Variants in COG4 observed in about 807,000 individuals in gnomAD.
COG4 encodes the protein component of oligomeric golgi complex 4.
Under a neutral mutation model 95.1 loss-of-function variants are expected in COG4, and 65 were observed. That is an observed-to-expected ratio of 0.68 (90% confidence interval 0.56 to 0.84). COG4 has a LOEUF of 0.84. COG4 is among the 40% of genes least tolerant of loss of function. The pLI, the probability that COG4 is intolerant of heterozygous loss-of-function variation, is 0.00. For synonymous variants in COG4, 421 were observed against 374.8 expected (o/e 1.12, Z -1.42); for missense variants, 1,045 against 989.1 (o/e 1.06, Z -0.76).
chr16:70,481,363 T>C lies in COG4; in HGVS notation c.2231A>G (p.Glu744Gly). 6.2e-7 allele frequency: 1 copy of C among 1,612,652 alleles called. No homozygotes were observed. The highest frequency in any genetic ancestry group is 8.5e-7 in the Non-Finnish European group (1 of 1,179,908). Residue 744 changes from glutamate (E) to glycine (G), a missense_variant, in exon 18 of 19, where the codon GAG becomes GGG. Glu to Gly is a moderately conservative substitution (Grantham distance 98). Transcript: ENST00000323786. ...GGCCAAGGGTGCCCCACCTACCCGCTCCAGATTGAGGATGGTGGCCATCTG... is the reference window on the plus strand; with the variant it reads ...GGCCAAGGGTGCCCCACCTACCCGCCCCAGATTGAGGATGGTGGCCATCTG... The part of the protein sequence containing the change: ...LSQMATILNL[E>G]RVTEILDYWG...
At chr16:70,522,275 G>T (rs1414100959) in intron 1 of COG4, among the ~76,000 whole-genome samples, 1 of 152,160 alleles carries the variant, frequency 6.6e-6, no homozygotes, top group African/African-American at 2.4e-5. Flanking sequence ...GATGGCAGGC[G>T]TGAGCCACCG....
intron 8 of COG4, among the ~76,000 whole-genome samples, chr16:70,506,987 T>A (rs887941746): frequency 1.3e-5 from 2 of 151,538 alleles, no homozygotes; most frequent in African/African-American, 4.9e-5. Flanking sequence ...CTTTGGGAGG[T>A]GAGAGGATCA....
At chr16:70,501,780 T>G (rs1454500106) in intron 8 of COG4, among the ~76,000 whole-genome samples, 1 of 151,620 alleles carries the variant, frequency 6.6e-6, no homozygotes, top group Non-Finnish European at 1.5e-5. Flanking sequence ...GCCACATGAG[T>G]AGCTGGGATT....
chr16:70,519,692 G>C lies in COG4; in HGVS notation c.211C>G (p.Gln71Glu), dbSNP rs1355713057. The change falls in exon 2 of 19, where the codon CAA becomes GAA. Residue 71 changes from glutamine (Q) to glutamate (E), a missense_variant. Transcript: ENST00000323786. ...ERELDALLEQ[Q>E]NTIESKMVTL... is the part of the protein sequence containing the mutation. ...ACCATCTTACTTTCAATGGTGTTTT[G>C]CTGTTCCAAAAGAGCATCCAGCTCT... 1.2e-6 allele frequency: 2 copies of C among 1,613,932 alleles called. No individual in the cohort carries two copies. Among genetic ancestry groups the C allele is most frequent in the East Asian group, 2.2e-5 (1 of 44,886 alleles).
chr16:70,516,293 T>G (rs2049820874), intron 3 of COG4, among the ~76,000 whole-genome samples: 1 of 150,484 alleles, frequency 6.6e-6, no homozygotes, highest in Non-Finnish European at 1.5e-5. Context: ...AGGGTTTTGT[T>G]GAGTTAAATT....
intron 8 of COG4, among the ~76,000 whole-genome samples, chr16:70,502,703 A>G (rs1397110940): frequency 6.6e-6 from 1 of 152,192 alleles, no homozygotes; most frequent in African/African-American, 2.4e-5. Context: ...ACTGCCCTAC[A>G]CCCATTCATT....
intron 12 of COG4, among the ~76,000 whole-genome samples, chr16:70,491,676 T>C (rs2049246215): frequency 6.6e-6 from 1 of 151,238 alleles, no homozygotes; most frequent in Non-Finnish European, 1.5e-5. Flanking sequence ...TACAAAAAAT[T>C]AGCCAGGCGT....
intron 3 of COG4, among the ~76,000 whole-genome samples, chr16:70,516,713 C>A (rs541818126): frequency 3.2e-4 from 49 of 151,876 alleles, no homozygotes; most frequent in African/African-American, 1.1e-3. Flanking sequence ...CTCTTCTAAT[C>A]TCTAATGTGG....
intron 14 of COG4, 141 bp from the exon 15 acceptor site, chr16:70,482,962 A>C (rs1336040441): frequency 1.0e-4 from 51 of 489,742 alleles, no homozygotes; most frequent in African/African-American, 4.0e-4. Context: ...TCCTCTCCCC[A>C]TTTCTTCCTT....
At chr16:70,481,182 G>C (rs372227334) in intron 18 of COG4, 38 bp from the exon 19 acceptor site, 7 of 1,612,920 alleles carry the variant, frequency 4.3e-6, no homozygotes, top group African/African-American at 1.3e-5. Flanking sequence ...AGCAAGGTGG[G>C]GTTATTCTGA....
intron 3 of COG4, 129 bp from the exon 4 acceptor site, chr16:70,514,638 T>G (rs911781085): frequency 4.1e-6 from 3 of 740,650 alleles, no homozygotes; most frequent in African/African-American, 3.5e-5. Context: ...ACACCACCAC[T>G]ACTGTTAACG....
rs765472862 is a variant in COG4 at position 70,482,212 on chromosome 16, CAT to C, written c.1921-39_1921-38del. The C allele has an allele frequency of 3.9e-6, 5 of 1,288,840 alleles. No individual in the cohort carries two copies. In the South Asian group the frequency reaches 5.9e-5, roughly 15 times the overall value. The allele number at this position is 1,288,840 out of a possible 1,614,324, so 79.8% of individuals were successfully genotyped here. ...AAGCAGGGCTGGTCACCATGGGCCT[CAT>C]AAGAAGTACCATTCATTGCCACCCA... On this transcript the variant is annotated intron_variant, in intron 15 of 18. Coordinates refer to ENST00000323786, the MANE Select transcript of COG4 (RefSeq NM_015386.3).
intron 12 of COG4, among the ~76,000 whole-genome samples, chr16:70,495,033 C>CTAAT (rs2049311314): frequency 6.6e-6 from 1 of 152,050 alleles, no homozygotes; most frequent in African/African-American, 2.4e-5. Flanking sequence ...TAGATATTAG[C>CTAAT]AAGTTTAGGC....
rs563096825 is a variant in COG4 at position 70,498,407 on chromosome 16, C to T, written c.1196-352G>A. Among the ~76,000 whole-genome samples the T allele has an allele frequency of 7.9e-5, 12 of 152,148 alleles. No homozygotes were observed. In the South Asian group the frequency reaches 2.1e-3, roughly 26 times the overall value. ...GCAATGGCGTGATCTTGGCTCACCGCAACCCCTGCCTCCCAGGTTCAAACA... is the reference window on the plus strand; with the variant it reads ...GCAATGGCGTGATCTTGGCTCACCGTAACCCCTGCCTCCCAGGTTCAAACA... On this transcript the variant is annotated intron_variant, in intron 9 of 18. Transcript: ENST00000323786.
In COG4 at chr16:70,523,485, G is replaced by C. The variant is rs781200899; in HGVS notation, c.59C>G (p.Pro20Arg). 11 of 1,614,056 alleles carry C rather than the reference G, an allele frequency of 6.8e-6. No homozygotes were observed. Among genetic ancestry groups the C allele is most frequent in the Admixed American group, 3.3e-5 (2 of 59,996 alleles). The change falls in exon 1 of 19, where the codon CCG (proline) becomes CGG (arginine). Residue 20 changes from proline to arginine, a missense_variant. Pro to Arg is a moderately radical substitution (Grantham distance 103). Coordinates refer to ENST00000323786, the MANE Select transcript of COG4 (RefSeq NM_015386.3). ...SPPKLSGVQQPSEGVGGGRCS... is the reference protein window; with the variant it reads ...SPPKLSGVQQRSEGVGGGRCS... ...GCGGCCACCTCCCACCCCCTCAGAC[G>C]GCTGCTGCACCCCTGACAGCTTCGG... is the stretch of plus-strand genomic sequence containing the variant.
chr16:70,480,870 T>C lies in COG4; in HGVS notation c.*140A>G. 9.8e-7 allele frequency: 1 copy of C among 1,018,848 alleles called. No individual in the cohort carries two copies. 63.1% of individuals were successfully genotyped at this position (1,018,848 alleles called of 1,614,324 possible). A position where few individuals can be genotyped will look rare whatever the true frequency, so the allele number is the denominator to read the frequency against. On this transcript the variant is annotated 3_prime_UTR_variant, in exon 19 of 19. Transcript: ENST00000323786. ...CAGAGCATGGAGTGGGTCCAGACTT[T>C]GTTTCTCTGCTGCCAGCCGTAGAAA...
At chr16:70,497,916 G>A (rs577912013) in intron 10 of COG4, 21 bp downstream of exon 10, 1 of 1,395,784 alleles carries the variant, frequency 7.2e-7, no homozygotes, top group South Asian at 1.2e-5. Context: ...CCATTTCCAA[G>A]AGATGCGTCC....
chr16:70,483,524 A>G (rs2049058404), intron 14 of COG4, among the ~76,000 whole-genome samples: 4 of 152,150 alleles, frequency 2.6e-5, no homozygotes, highest in Admixed American at 2.6e-4. Flanking sequence ...AGATTTCAGA[A>G]TGCTCAATGT....
At chr16:70,498,164 T>C in intron 9 of COG4, 109 bp from the exon 10 acceptor site, 1 of 728,880 alleles carries the variant, frequency 1.4e-6, no homozygotes, top group Non-Finnish European at 2.5e-6. Flanking sequence ...AATATGTACA[T>C]ATTTTACATC....
Sources: gnomAD v4.1 joint callset for allele counts (sites outside exome capture counted in the v4.1 genomes callset) on GRCh38, gnomAD v4.1.1 for gene constraint, MANE v1.5 for transcripts, NCBI Gene and HGNC (gene_info 2026-07-23, HGNC 2026-07-21) for gene names.